HDAC4: variants seen among roughly 807,000 people sequenced by gnomAD.
HDAC4 encodes histone deacetylase 4.
HDAC4 carries 16 observed loss-of-function variants against 135.1 expected under a neutral mutation model. The ratio of observed to expected loss-of-function variants is 0.12; its 90% CI spans 0.08 to 0.18. HDAC4 has a LOEUF of 0.18. Ranked by LOEUF, HDAC4 falls within the 10% of genes least tolerant of loss-of-function variation. The pLI is 1.00. For missense variants in HDAC4, 1,143 were observed against 1,511.8 expected, an observed-to-expected ratio of 0.76 and a Z score of 4.05; for synonymous variants, 685 against 653.4, an observed-to-expected ratio of 1.05 and a Z score of -0.74.
At chr2:239,356,853 C>T (rs959305086) in intron 1 of HDAC4, among the ~76,000 whole-genome samples, 1 of 151,970 alleles carries the variant, frequency 6.6e-6, no homozygotes, top group Non-Finnish European at 1.5e-5. Context: ...CAGATCCCAA[C>T]ATCACAAGGT....
At chr2:239,114,366 C>T (rs2038943770) in intron 13 of HDAC4, among the ~76,000 whole-genome samples, 1 of 152,216 alleles carries the variant, frequency 6.6e-6, no homozygotes, top group Non-Finnish European at 1.5e-5. Context: ...GTTCCTCGGA[C>T]TGGCTTCCTG....
intron 2 of HDAC4, among the ~76,000 whole-genome samples, chr2:239,296,193 C>T (rs1200035006): frequency 6.6e-6 from 1 of 152,170 alleles, no homozygotes; most frequent in Non-Finnish European, 1.5e-5. Flanking sequence ...AATCAGAAAG[C>T]CACCACTCTC....
intron 12 of HDAC4, among the ~76,000 whole-genome samples, chr2:239,124,636 G>GT (rs1559475031): frequency 4.9e-5 from 3 of 60,944 alleles, no homozygotes; most frequent in African/African-American, 2.2e-4. Flanking sequence ...GCATGTGGCC[G>GT]CACATCATTC....
intron 8 of HDAC4, among the ~76,000 whole-genome samples, chr2:239,143,998 CAAGAGGGG>C (rs1303915048): frequency 6.6e-6 from 1 of 152,150 alleles, no homozygotes; most frequent in Non-Finnish European, 1.5e-5. Context: ...GATGTACCCT[CAAGAGGGG>C]CGGGTGAGCC....
In HDAC4 at chr2:239,394,093, C is replaced by A. The variant is rs555585171; in HGVS notation, c.-220+6885G>T. 5.5e-4 allele frequency among the ~76,000 whole-genome samples: 83 copies of A among 151,436 alleles called. 1 individual carries two copies. Among genetic ancestry groups the A allele is most frequent in the African/African-American group, 1.9e-3 (80 of 41,328 alleles). On this transcript the variant is annotated intron_variant, in intron 1 of 26. Transcript: ENST00000543185. ...CACATAAACCAGATGATGGGCCATT[C>A]CCAAGGGAAAATGCAATTCCATCAC...
intron 2 of HDAC4, among the ~76,000 whole-genome samples, chr2:239,318,510 T>G (rs4851971): frequency 2.0e-5 from 3 of 151,804 alleles, no homozygotes; most frequent in Non-Finnish European, 4.4e-5. Flanking sequence ...ATCACTAGAC[T>G]ATCAGCGAAA....
In HDAC4 at chr2:239,400,032, T is replaced by G. The variant is rs1393115918; in HGVS notation, c.-220+946A>C. 5.3e-5 allele frequency among the ~76,000 whole-genome samples: 8 copies of G among 152,054 alleles called. No individual in the cohort carries two copies. ...TACGCACGGTCTCCTCCTATAACAG[T>G]GTCAAATAATTCAACGCTCAATGTA... On this transcript the variant is annotated intron_variant, in intron 1 of 26. Coordinates refer to ENST00000543185, the MANE Select transcript of HDAC4 (RefSeq NM_001378414.1). This position sits in a 1 kb window ranked among gnomAD's most constrained non-coding sequence, Gnocchi z 4.7.
intron 12 of HDAC4, among the ~76,000 whole-genome samples, chr2:239,121,367 G>A (rs1418463966): frequency 6.6e-6 from 1 of 152,138 alleles, no homozygotes; most frequent in African/African-American, 2.4e-5. Flanking sequence ...CATAGCGGGG[G>A]TCAGCCTCTC....
rs151075086 is a variant in HDAC4, at chr2:239,094,861, G to A, written c.2280+149C>T. On this transcript the variant is annotated intron_variant, in intron 17 of 26. Coordinates refer to ENST00000543185, the MANE Select transcript of HDAC4 (RefSeq NM_001378414.1). Reference sequence around the variant, plus strand: ...CGATCAAAACGCTCTCGGCTCACACGGCCTTTGAAGCCGCACATGGGCAGC... The same window carrying A: ...CGATCAAAACGCTCTCGGCTCACACAGCCTTTGAAGCCGCACATGGGCAGC... The A allele has an allele frequency of 8.0e-3, 12,552 of 1,573,034 alleles. 62 individuals are homozygous for A. Among genetic ancestry groups the A allele is most frequent in the Non-Finnish European group, 9.5e-3 (11,027 of 1,154,772 alleles).
At position 239,052,605 on chromosome 2, in the gene HDAC4, C is replaced by T. The variant is rs962173501; in HGVS notation, c.*492G>A. On this transcript the variant is annotated 3_prime_UTR_variant, in exon 27 of 27. Coordinates refer to ENST00000543185, the MANE Select transcript of HDAC4 (RefSeq NM_001378414.1). ...GGGCCACAGCCGTAGAAAACGTCCTCTTTAAAAAAAAATAAGCTACAAGAT... is the reference window on the plus strand; with the variant it reads ...GGGCCACAGCCGTAGAAAACGTCCTTTTTAAAAAAAAATAAGCTACAAGAT... 17 of 171,104 alleles carry T rather than the reference C, an allele frequency of 9.9e-5. No individual in the cohort carries two copies. The highest frequency in any genetic ancestry group is 3.8e-4 in the African/African-American group (16 of 41,874). The allele number at this position is 171,104 out of a possible 1,614,324, so 10.6% of individuals were successfully genotyped here.
At chr2:239,363,677 TAGAC>T (rs1177288019) in intron 1 of HDAC4, among the ~76,000 whole-genome samples, 10 of 152,044 alleles carry the variant, frequency 6.6e-5, no homozygotes, top group Non-Finnish European at 1.2e-4. Flanking sequence ...TGGGCAAAGA[TAGAC>T]AGATGTTAAA....
At chr2:239,055,528 G>C (rs1395769877) in intron 24 of HDAC4, among the ~76,000 whole-genome samples, 1 of 152,132 alleles carries the variant, frequency 6.6e-6, no homozygotes, top group Admixed American at 6.5e-5. Context: ...ACCAGCCTGG[G>C]CAACGTGGTG....
At chr2:239,086,071 TCTGA>T (rs566649566) in intron 19 of HDAC4, 4 of 21,130 alleles carry the variant, frequency 1.9e-4, no homozygotes, top group African/African-American at 1.0e-3. Context: ...AACACGCGGA[TCTGA>T]CTATCTCGCA....
rs1257842257 is a variant in HDAC4, at chr2:239,303,368, G to A, written c.22+49310C>T. On this transcript the variant is annotated intron_variant, in intron 2 of 26. Coordinates refer to ENST00000543185, the MANE Select transcript of HDAC4 (RefSeq NM_001378414.1). The surrounding 1 kb of genome is among the most constrained non-coding windows in gnomAD (Gnocchi z 5.1). Reference sequence around the variant, plus strand: ...GGTTCCTCTGCCATCAAGACCCGCCGTCTGGTGTGAAGGGAAACGTCCCTC... The same window carrying A: ...GGTTCCTCTGCCATCAAGACCCGCCATCTGGTGTGAAGGGAAACGTCCCTC... Among the ~76,000 whole-genome samples the A allele has an allele frequency of 2.0e-5, 3 of 152,166 alleles. No individual in the cohort carries two copies. The highest frequency in any genetic ancestry group is 2.9e-5 in the Non-Finnish European group (2 of 68,034).
At chr2:239,320,011 C>T (rs2053253604) in intron 2 of HDAC4, among the ~76,000 whole-genome samples, 1 of 146,074 alleles carries the variant, frequency 6.8e-6, no homozygotes, top group East Asian at 2.2e-4. Context: ...CAGATAATGT[C>T]TATGAATTGT....
At chr2:239,156,556 T>C in intron 7 of HDAC4, 96 bp downstream of exon 7, 1 of 1,479,622 alleles carries the variant, frequency 6.8e-7, no homozygotes, top group South Asian at 1.1e-5. Flanking sequence ...TGATTCCTTC[T>C]CTAAGTGGAA....
chr2:239,290,783 TG>T (rs2051441507), intron 2 of HDAC4, among the ~76,000 whole-genome samples: 1 of 152,144 alleles, frequency 6.6e-6, no homozygotes, highest in African/African-American at 2.4e-5. Context: ...CCGTGTTTAG[TG>T]TGTTTCTAGG....
chr2:239,150,300 C>A (rs1010552512), intron 7 of HDAC4, among the ~76,000 whole-genome samples: 1 of 151,832 alleles, frequency 6.6e-6, no homozygotes, highest in Non-Finnish European at 1.5e-5. Flanking sequence ...GGTACATACA[C>A]AGATATACAC....
At chr2:239,264,620 C>A (rs80329546) in intron 2 of HDAC4, among the ~76,000 whole-genome samples, 5,418 of 152,312 alleles carry the variant, frequency 0.036, 120 homozygotes, top group East Asian at 0.08. Context: ...CTAGGGCTCG[C>A]AGCCTGAACC....
Sources: gnomAD v4.1 joint callset for allele counts (sites outside exome capture counted in the v4.1 genomes callset) on GRCh38, gnomAD v4.1.1 for gene constraint, Gnocchi (gnomAD v3.1) non-coding constraint, MANE v1.5 for transcripts, NCBI Gene and HGNC (gene_info 2026-07-23, HGNC 2026-07-21) for gene names.